Variants in CES5A observed in about 807,000 individuals in gnomAD.
CES5A encodes the protein carboxylesterase 5A, also known as carboxylesterase 5.
Under a neutral mutation model 62.9 loss-of-function variants are expected in CES5A, and 67 were observed. The observed-to-expected ratio is 1.07, with a 90% CI of 0.88 to 1.31. CES5A has a LOEUF of 1.31. Among genes scored for constraint, CES5A ranks in the 50% most tolerant of loss-of-function variants. CES5A has a pLI of 0.00. For synonymous variants in CES5A, 296 were observed against 280.8 expected, an observed-to-expected ratio of 1.05 and a Z score of -0.54; for missense variants, 748 against 708.5, an observed-to-expected ratio of 1.06 and a Z score of -0.63.
intron 2 of CES5A, among the ~76,000 whole-genome samples, chr16:55,945,348 G>A (rs1451192382): frequency 6.6e-6 from 1 of 152,232 alleles, no homozygotes; most frequent in Non-Finnish European, 1.5e-5. Flanking sequence ...TGAATCAGAA[G>A]CAAAGTTAGA....
chr16:55,916,757 C>T (rs1479859190), intron 1 of CES5A, among the ~76,000 whole-genome samples: 1 of 152,162 alleles, frequency 6.6e-6, no homozygotes, highest in East Asian at 1.9e-4. Context: ...GTCCATATTT[C>T]TTTGGACACA....
chr16:55,951,279 T>C (rs1430035829), intron 1 of CES5A, among the ~76,000 whole-genome samples: 1 of 151,958 alleles, frequency 6.6e-6, no homozygotes, highest in East Asian at 1.9e-4. Flanking sequence ...TCCTCACAGT[T>C]CTGGAGGCTG....
intron 1 of CES5A, among the ~76,000 whole-genome samples, chr16:55,893,056 C>A (rs922523345): frequency 1.3e-5 from 2 of 152,100 alleles, no homozygotes; most frequent in Non-Finnish European, 2.9e-5. Flanking sequence ...CCCTGCCTGC[C>A]AATTCTCTTC....
At position 55,859,537 on chromosome 16, in the gene CES5A, G is replaced by A; in HGVS notation, c.1056+10C>T. On this transcript the variant is annotated intron_variant, in intron 8 of 12. Coordinates refer to ENST00000290567, the MANE Select transcript of CES5A (RefSeq NM_001143685.2). ...GAGGGAGTGGCAGTATGGACAGCCA[G>A]AATTCTTACCATAGGCAGCAGGAAG... The A allele has an allele frequency of 6.2e-7, 1 of 1,610,036 alleles. No individual in the cohort carries two copies. The highest frequency in any genetic ancestry group is 8.5e-7 in the Non-Finnish European group (1 of 1,179,174).
chr16:55,904,034 C>T (rs528193567), intron 1 of CES5A, among the ~76,000 whole-genome samples: 8 of 152,210 alleles, frequency 5.3e-5, no homozygotes, highest in African/African-American at 7.2e-5. Flanking sequence ...AATAGAAAAC[C>T]GTATACTCAC....
upstream of CES5A, among the ~76,000 whole-genome samples, chr16:55,926,430 G>A (rs1460892534): frequency 6.6e-6 from 1 of 152,204 alleles, no homozygotes; most frequent in East Asian, 1.9e-4. Context: ...AAGCATTAAT[G>A]TCAGCCATTT....
rs1423754042 is a variant in CES5A, at chr16:55,846,585, T to C, written c.1594A>G (p.Lys532Glu). Residue 532 changes from lysine to glutamate, a missense_variant, in exon 13 of 13, where the codon AAA (lysine) becomes GAA (glutamate). Lys to Glu is a moderately conservative substitution (Grantham distance 56, BLOSUM62 1). Transcript: ENST00000290567. ...GTCCAAAAATCCACCCGCGGTTCTT[T>C]GAGTCTCTGTCCGAGGCTCATGTTC... is the stretch of plus-strand genomic sequence containing the variant. ...DLNMSLGQRLKEPRVDFWTST... is the reference protein window; with the variant it reads ...DLNMSLGQRLEEPRVDFWTST... 1 of 1,614,176 alleles carries C rather than the reference T, an allele frequency of 6.2e-7. No individual in the cohort carries two copies. Among genetic ancestry groups the C allele is most frequent in the Admixed American group, 1.7e-5 (1 of 60,024 alleles).
chr16:55,862,553 C>T (rs1371233074), intron 6 of CES5A, among the ~76,000 whole-genome samples: 1 of 152,156 alleles, frequency 6.6e-6, no homozygotes, highest in African/African-American at 2.4e-5. Flanking sequence ...CTGAAAATAG[C>T]TTTATGGAGA....
At chr16:55,888,408 G>T (rs1476515403) in intron 1 of CES5A, among the ~76,000 whole-genome samples, 1 of 152,164 alleles carries the variant, frequency 6.6e-6, no homozygotes, top group Non-Finnish European at 1.5e-5. Context: ...GTGGATAAAG[G>T]CTCCAGCTTC....
At position 55,874,049 on chromosome 16, in the gene CES5A, C is replaced by T. The variant is rs201596296; in HGVS notation, c.74-12G>A. The T allele has an allele frequency of 8.9e-5, 141 of 1,590,130 alleles. No homozygotes were observed. In the African/African-American group the frequency reaches 1.8e-3, roughly 20 times the overall value. On this transcript the variant is annotated splice_polypyrimidine_tract_variant and intron_variant, in intron 1 of 12. Transcript: ENST00000290567. The stretch of plus-strand genomic sequence containing the variant: ...TTCAGCAGAAGGCCCTGCGGGAACA[C>T]ATGGGAGGAATCAGGAGCAGGCTGG...
chr16:55,856,504 C>G, intron 8 of CES5A, 59 bp from the exon 9 acceptor site: 1 of 1,523,318 alleles, frequency 6.6e-7, no homozygotes, highest in Non-Finnish European at 9.1e-7. Context: ...AAACCCATCT[C>G]CCCAAGGGCC....
chr16:55,872,962 A>T (rs1379450379), intron 2 of CES5A, among the ~76,000 whole-genome samples: 1 of 152,162 alleles, frequency 6.6e-6, no homozygotes, highest in African/African-American at 2.4e-5. Flanking sequence ...AATGAATATT[A>T]GTTGGATGAA....
intron 2 of CES5A, among the ~76,000 whole-genome samples, chr16:55,936,157 C>A (rs2034372578): frequency 6.6e-6 from 1 of 152,216 alleles, no homozygotes; most frequent in African/African-American, 2.4e-5. Context: ...TCCCAACACT[C>A]CAGTAGCCAT....
intron 1 of CES5A, among the ~76,000 whole-genome samples, chr16:55,905,572 G>A (rs1273965428): frequency 1.3e-5 from 2 of 151,952 alleles, no homozygotes; most frequent in Admixed American, 6.6e-5. Flanking sequence ...TTACCATGTT[G>A]GTCAGGCTCG....
chr16:55,918,996 TCC>T (rs2034174621), intron 1 of CES5A, among the ~76,000 whole-genome samples: 2 of 152,216 alleles, frequency 1.3e-5, no homozygotes, highest in Admixed American at 1.3e-4. Context: ...TATGGGTCTA[TCC>T]CATCTTATGG....
intron 8 of CES5A, 95 bp from the exon 9 acceptor site, chr16:55,856,540 G>A: frequency 8.8e-7 from 1 of 1,137,542 alleles, no homozygotes; most frequent in Non-Finnish European, 1.3e-6. Context: ...CACAGGGGAA[G>A]TTGGATAAGG....
intron 2 of CES5A, among the ~76,000 whole-genome samples, chr16:55,872,619 C>A (rs147555691): frequency 6.6e-6 from 1 of 152,168 alleles, no homozygotes; most frequent in South Asian, 2.1e-4. Context: ...GCAATCAATT[C>A]TTAATAGAAT....
intron 7 of CES5A, among the ~76,000 whole-genome samples, chr16:55,860,354 G>A (rs561762004): frequency 3.3e-5 from 5 of 152,150 alleles, no homozygotes; most frequent in Non-Finnish European, 7.4e-5. Context: ...CTCAAAGTGT[G>A]GTTCCTAGAC....
intron 1 of CES5A, among the ~76,000 whole-genome samples, chr16:55,898,298 C>T (rs1209375162): frequency 6.6e-6 from 1 of 152,034 alleles, no homozygotes; most frequent in Non-Finnish European, 1.5e-5. Context: ...GAAACGTGGC[C>T]ATGAGGTGTC....
Sources: gnomAD v4.1 joint callset for allele counts (sites outside exome capture counted in the v4.1 genomes callset) on GRCh38, gnomAD v4.1.1 for gene constraint, MANE v1.5 for transcripts, NCBI Gene and HGNC (gene_info 2026-07-23, HGNC 2026-07-21) for gene names.